BCAS3: variants seen among roughly 807,000 people sequenced by gnomAD.
BCAS3 encodes BCAS3 microtubule associated cell migration factor.
BCAS3 carries 53 observed loss-of-function variants against 116.1 expected under a neutral mutation model. That is an observed-to-expected ratio of 0.46 (90% confidence interval 0.37 to 0.57). The LOEUF (loss-of-function observed/expected upper bound fraction) is 0.57, where lower values mean the gene tolerates loss of function less well. BCAS3 is among the 20% of genes least tolerant of loss of function. The pLI is 0.00. For missense variants in BCAS3, 917 were observed against 1,165.4 expected (o/e 0.79, Z 3.10); for synonymous variants, 391 against 408.2 (o/e 0.96, Z 0.51).
intron 22 of BCAS3, among the ~76,000 whole-genome samples, chr17:61,100,969 T>C (rs1444899383): frequency 6.6e-6 from 1 of 152,218 alleles, no homozygotes; most frequent in African/African-American, 2.4e-5. Flanking sequence ...TGTGAATCTG[T>C]GAAACCTTCA....
intron 22 of BCAS3, among the ~76,000 whole-genome samples, chr17:61,275,462 G>A (rs1219036022): frequency 3.3e-5 from 5 of 152,060 alleles, no homozygotes; most frequent in Non-Finnish European, 2.9e-5. Context: ...AAGCTGGGAA[G>A]AAAGCTCAGT....
intron 7 of BCAS3, among the ~76,000 whole-genome samples, chr17:60,848,110 A>T (rs1198554013): frequency 1.3e-5 from 2 of 151,868 alleles, no homozygotes; most frequent in Admixed American, 1.3e-4. Context: ...TCAAAAGTTA[A>T]TTCATCATTA....
intron 7 of BCAS3, among the ~76,000 whole-genome samples, chr17:60,835,447 A>T (rs2051289192): frequency 6.6e-6 from 1 of 152,088 alleles, no homozygotes; most frequent in Non-Finnish European, 1.5e-5. Context: ...TTCTTCATCT[A>T]TAAATAGATT....
At chr17:60,787,219 G>A (rs1443084705) in intron 6 of BCAS3, among the ~76,000 whole-genome samples, 1 of 152,160 alleles carries the variant, frequency 6.6e-6, no homozygotes, top group South Asian at 2.1e-4. Context: ...TGACAAATGT[G>A]TATACAGTTG....
chr17:60,996,130 G>A (rs1357410690), intron 15 of BCAS3, among the ~76,000 whole-genome samples: 1 of 152,130 alleles, frequency 6.6e-6, no homozygotes, highest in Non-Finnish European at 1.5e-5. Flanking sequence ...ATGATTGTTA[G>A]CCTTTCACTC....
At chr17:61,031,286 A>T (rs2066619184) in intron 16 of BCAS3, among the ~76,000 whole-genome samples, 1 of 152,058 alleles carries the variant, frequency 6.6e-6, no homozygotes, top group African/African-American at 2.4e-5. Flanking sequence ...ACATTCACGT[A>T]TGTATCATTT....
At chr17:61,116,755 G>A (rs988224662) in intron 22 of BCAS3, among the ~76,000 whole-genome samples, 5 of 152,134 alleles carry the variant, frequency 3.3e-5, no homozygotes, top group Admixed American at 3.3e-4. Context: ...TTATGGCTGG[G>A]TATAGGATTC....
intron 22 of BCAS3, among the ~76,000 whole-genome samples, chr17:61,153,947 G>C (rs912700501): frequency 6.6e-6 from 1 of 152,168 alleles, no homozygotes; most frequent in African/African-American, 2.4e-5. Context: ...ACACTAGCCA[G>C]CTTAAAAGTC....
At position 61,118,499 on chromosome 17, in the gene BCAS3, A is replaced by G. The variant is rs1292145124; in HGVS notation, c.2425+33935A>G. On this transcript the variant is annotated intron_variant, in intron 22 of 23. Transcript: ENST00000407086. The surrounding 1 kb of genome is among the most constrained non-coding windows in gnomAD (Gnocchi z 5.0). ...AGGAGGTGGTTCTTGTTAACAGCAG[A>G]TAGGGATGAAAGTCCTGACTGTACT... is the stretch of plus-strand genomic sequence containing the variant. Among the ~76,000 whole-genome samples the G allele has an allele frequency of 6.6e-6, 1 of 152,080 alleles. No homozygotes were observed. Among genetic ancestry groups the G allele is most frequent in the African/African-American group, 2.4e-5 (1 of 41,386 alleles).
In BCAS3 at chr17:60,962,276, G is replaced by A. The variant is rs2145311227; in HGVS notation, c.1221+14924G>A. Among the ~76,000 whole-genome samples the A allele has an allele frequency of 6.6e-6, 1 of 152,224 alleles. No homozygotes were observed. The highest frequency in any genetic ancestry group is 6.5e-5 in the Admixed American group (1 of 15,292). On this transcript the variant is annotated intron_variant, in intron 14 of 23. Transcript: ENST00000407086. The surrounding 1 kb of genome is among the most constrained non-coding windows in gnomAD (Gnocchi z 4.4). ...GAACCTCCATACTGTGCTCCATAGTGGCTGCACTAATTTACATTTCCACCA... is the reference window on the plus strand; with the variant it reads ...GAACCTCCATACTGTGCTCCATAGTAGCTGCACTAATTTACATTTCCACCA...
intron 10 of BCAS3, 146 bp downstream of exon 10, chr17:60,889,917 C>A: frequency 2.7e-6 from 2 of 732,218 alleles, no homozygotes; most frequent in Non-Finnish European, 4.5e-6. Context: ...TTTAATTGTG[C>A]AACTAATAAT....
At position 61,248,933 on chromosome 17, in the gene BCAS3, A is replaced by G. The variant is rs116917513; in HGVS notation, c.2426-119394A>G. ...TGCTCTTAAAGATAAGACGTTGTTT[A>G]GATGAATATATATTCTTTTCCTGTG... On this transcript the variant is annotated intron_variant, in intron 22 of 23. Coordinates refer to ENST00000407086, the MANE Select transcript of BCAS3 (RefSeq NM_017679.5). This position sits in a 1 kb window ranked among gnomAD's most constrained non-coding sequence, Gnocchi z 4.3. Among the ~76,000 whole-genome samples, 3,165 of 152,344 alleles carry G rather than the reference A, an allele frequency of 0.021. 42 individuals are homozygous for G. The highest frequency in any genetic ancestry group is 0.034 in the Non-Finnish European group (2,297 of 68,028).
intron 22 of BCAS3, among the ~76,000 whole-genome samples, chr17:61,321,381 C>G (rs2055198858): frequency 6.6e-6 from 1 of 152,246 alleles, no homozygotes; most frequent in South Asian, 2.1e-4. Flanking sequence ...CTTCACCATT[C>G]ATACTGTGGC....
At chr17:61,246,839 G>C (rs1052231571) in intron 22 of BCAS3, among the ~76,000 whole-genome samples, 1 of 149,396 alleles carries the variant, frequency 6.7e-6, no homozygotes, top group African/African-American at 2.5e-5. Flanking sequence ...GTATGTGTGT[G>C]ATAACCTAAT....
Position 61,239,390 on chromosome 17 carries a change from G to C in BCAS3, c.2426-128937G>C, listed in dbSNP as rs527436611. 8.3e-4 allele frequency among the ~76,000 whole-genome samples: 127 copies of C among 152,274 alleles called. No homozygotes were observed. The highest frequency in any genetic ancestry group is 3.0e-3 in the African/African-American group (124 of 41,550). On this transcript the variant is annotated intron_variant, in intron 22 of 23. Transcript: ENST00000407086. The surrounding 1 kb of genome is among the most constrained non-coding windows in gnomAD (Gnocchi z 4.2). ...CAGATTTTCAGCTTTTTGTTTTGGG[G>C]TTTTTTGTTTTGTTTTTAATTCAAT... is the stretch of plus-strand genomic sequence containing the variant.
rs187166540 is a variant in BCAS3, at chr17:61,369,164, G to A, written c.2593+670G>A. Among the ~76,000 whole-genome samples the A allele has an allele frequency of 5.3e-5, 8 of 152,334 alleles. No homozygotes were observed. In the East Asian group the frequency reaches 1.4e-3, roughly 26 times the overall value. On this transcript the variant is annotated intron_variant, in intron 23 of 23. Coordinates refer to ENST00000407086, the MANE Select transcript of BCAS3 (RefSeq NM_017679.5). Reference sequence around the variant, plus strand: ...CCATCTCCAGTACAGCTGTAATACAGCCTGCCTCTTCTTTCCAAAACCCTT... The same window carrying A: ...CCATCTCCAGTACAGCTGTAATACAACCTGCCTCTTCTTTCCAAAACCCTT...
chr17:60,678,643 CTTATTTG>C (rs1312104297), intron 1 of BCAS3, among the ~76,000 whole-genome samples: 6 of 152,106 alleles, frequency 3.9e-5, no homozygotes, highest in African/African-American at 1.4e-4. Context: ...AATTACTTGA[CTTATTTG>C]TTATAGTAGC....
rs2144548825 is a variant in BCAS3, at chr17:61,251,599, G to T, written c.2426-116728G>T. On this transcript the variant is annotated intron_variant, in intron 22 of 23. Transcript: ENST00000407086. The surrounding 1 kb of genome is among the most constrained non-coding windows in gnomAD (Gnocchi z 4.7). ...AAAAAAAAAAAGAAAAGAAAGACTG[G>T]ATCCTGGTCCATCCAAGATGCTGCC... 6.6e-6 allele frequency among the ~76,000 whole-genome samples: 1 copy of T among 151,720 alleles called. No homozygotes were observed. Among genetic ancestry groups the T allele is most frequent in the Middle Eastern group, 3.4e-3 (1 of 290 alleles).
At chr17:60,710,499 T>G (rs1216462104) in intron 5 of BCAS3, among the ~76,000 whole-genome samples, 1 of 150,114 alleles carries the variant, frequency 6.7e-6, no homozygotes, top group Non-Finnish European at 1.5e-5. Context: ...TGGCGCAATC[T>G]CGGCTCACTG....
Sources: allele counts gnomAD v4.1 joint callset (sites outside exome capture counted in the v4.1 genomes callset), GRCh38; gene constraint gnomAD v4.1.1; non-coding constraint Gnocchi (gnomAD v3.1); transcripts MANE v1.5; gene names NCBI Gene and HGNC (gene_info 2026-07-23, HGNC 2026-07-21).